FOCAD: variants seen among roughly 807,000 people sequenced by gnomAD.
FOCAD encodes KIAA1797.
A neutral mutation model predicts 225.6 loss-of-function variants in FOCAD; 198 were observed. The ratio of observed to expected loss-of-function variants is 0.88; its 90% CI spans 0.78 to 0.99. The LOEUF is 0.99. Ranked by LOEUF, FOCAD falls within the 50% of genes least tolerant of loss-of-function variation. The pLI is 0.00. For synonymous variants in FOCAD, 897 were observed against 755.0 expected, an observed-to-expected ratio of 1.19 and a Z score of -3.08; for missense variants, 2,713 against 2,123.6, an observed-to-expected ratio of 1.28 and a Z score of -5.46.
intron 11 of FOCAD, among the ~76,000 whole-genome samples, chr9:20,803,775 C>T (rs774939630): frequency 5.9e-5 from 9 of 152,060 alleles, no homozygotes; most frequent in African/African-American, 9.7e-5. Flanking sequence ...GGGACCTGTT[C>T]GAGGTGAAGA....
chr9:20,747,838 C>G (rs2131714892), intron 5 of FOCAD, among the ~76,000 whole-genome samples: 1 of 141,156 alleles, frequency 7.1e-6, no homozygotes, highest in South Asian at 2.2e-4. Flanking sequence ...TTTTTTTTGC[C>G]TTTTATATAT....
rs768624154 is a variant in FOCAD at position 20,990,368 on chromosome 9, C to T, written c.5250C>T (p.Thr1750=). The T allele has an allele frequency of 6.2e-7, 1 of 1,613,288 alleles. No individual in the cohort carries two copies. The highest frequency in any genetic ancestry group is 1.7e-5 in the Admixed American group (1 of 60,016). ...AGAAAGAGCCATGGAAGGAACAGAC[C>T]CAGAAGGTGAGGCTGGCAGCCACCT... The part of the protein sequence containing the change: ...LLQKEPWKEQ[T]QKFIDWLFSI... The change falls in exon 42 of 44, where the codon ACC becomes ACT. Residue 1750 remains threonine (T), a synonymous_variant. Coordinates refer to ENST00000338382, the MANE Select transcript of FOCAD (RefSeq NM_001375567.1).
chr9:20,905,124 C>T (rs958834195), intron 21 of FOCAD, among the ~76,000 whole-genome samples: 12 of 151,960 alleles, frequency 7.9e-5, no homozygotes, highest in African/African-American at 2.9e-4. Flanking sequence ...GCACAGCTGA[C>T]TCCATAGAAC....
At chr9:20,689,220 C>T (rs907637348) in intron 1 of FOCAD, among the ~76,000 whole-genome samples, 7 of 151,962 alleles carry the variant, frequency 4.6e-5, no homozygotes, top group African/African-American at 9.7e-5. Context: ...GTGCAGATGG[C>T]GTGTAGGGTT....
chr9:20,932,360 G>A (rs1181338877), intron 27 of FOCAD, among the ~76,000 whole-genome samples: 1 of 152,180 alleles, frequency 6.6e-6, no homozygotes, highest in Non-Finnish European at 1.5e-5. Flanking sequence ...GTAGGAACCT[G>A]TAGCTACTAA....
intron 15 of FOCAD, among the ~76,000 whole-genome samples, chr9:20,836,387 G>T (rs1825994889): frequency 6.6e-6 from 1 of 151,922 alleles, no homozygotes; most frequent in South Asian, 2.1e-4. Context: ...TTTGTTTGTG[G>T]GACTTTTAAA....
At chr9:20,981,305 G>T (rs1840677653) in intron 37 of FOCAD, 121 bp from the exon 38 acceptor site, 1 of 1,146,416 alleles carries the variant, frequency 8.7e-7, no homozygotes, top group Non-Finnish European at 1.2e-6. Flanking sequence ...AAGGGGGAAG[G>T]AAGTAACCTG....
intron 10 of FOCAD, among the ~76,000 whole-genome samples, chr9:20,782,869 T>C (rs922277255): frequency 2.0e-5 from 3 of 152,202 alleles, no homozygotes; most frequent in African/African-American, 4.8e-5. Context: ...CCCATAATTA[T>C]AGGCAAATTG....
Position 20,865,984 on chromosome 9 carries a change from C to G in FOCAD, c.2106+8C>G. On this transcript the variant is annotated splice_region_variant and intron_variant, in intron 17 of 43. Coordinates refer to ENST00000338382, the MANE Select transcript of FOCAD (RefSeq NM_001375567.1). Reference sequence around the variant, plus strand: ...ACTCATACTCAAAACAAGGTACTATCACAAGGCTTGTCAGTGAATCAGAAC... The same window carrying G: ...ACTCATACTCAAAACAAGGTACTATGACAAGGCTTGTCAGTGAATCAGAAC... 1 of 1,601,286 alleles carries G rather than the reference C, an allele frequency of 6.2e-7. No individual in the cohort carries two copies. Among genetic ancestry groups the G allele is most frequent in the Non-Finnish European group, 8.5e-7 (1 of 1,173,306 alleles).
At chr9:20,801,581 T>C (rs1163729220) in intron 11 of FOCAD, among the ~76,000 whole-genome samples, 1 of 152,140 alleles carries the variant, frequency 6.6e-6, no homozygotes, top group East Asian at 1.9e-4. Flanking sequence ...AAAGTCATAA[T>C]AGGGGCCATT....
chr9:20,691,989 A>G (rs1243914909), intron 1 of FOCAD, among the ~76,000 whole-genome samples: 1 of 152,086 alleles, frequency 6.6e-6, no homozygotes, highest in East Asian at 1.9e-4. Flanking sequence ...TCGAAAAATG[A>G]TCCACCCGCC....
chr9:20,800,838 T>G (rs1290178183), intron 11 of FOCAD, among the ~76,000 whole-genome samples: 3 of 152,172 alleles, frequency 2.0e-5, no homozygotes, highest in Non-Finnish European at 2.9e-5. Context: ...GAAGCCTTCT[T>G]CTCTCAACTT....
At chr9:20,946,080 T>C (rs531481329) in intron 29 of FOCAD, among the ~76,000 whole-genome samples, 33 of 122,508 alleles carry the variant, frequency 2.7e-4, no homozygotes, top group Middle Eastern at 4.4e-3. Context: ...ATATTTTATT[T>C]ATTCATTCAT....
chr9:20,910,330 C>A (rs949285616), intron 22 of FOCAD, among the ~76,000 whole-genome samples: 4 of 151,914 alleles, frequency 2.6e-5, no homozygotes, highest in Admixed American at 2.6e-4. Flanking sequence ...GTGAATGTGA[C>A]CTCAAACAGG....
chr9:20,962,890 T>C (rs1158040317), intron 35 of FOCAD, among the ~76,000 whole-genome samples: 1 of 152,198 alleles, frequency 6.6e-6, no homozygotes, highest in East Asian at 1.9e-4. Context: ...GACAAAGCAT[T>C]ATAATAAAGG....
At chr9:20,765,214 G>T in intron 7 of FOCAD, 141 bp downstream of exon 7, 1 of 647,912 alleles carries the variant, frequency 1.5e-6, no homozygotes, top group South Asian at 2.8e-5. Context: ...CAATCTTTTG[G>T]GGAAGATGAA....
chr9:20,912,417 A>G (rs772151494), intron 22 of FOCAD, among the ~76,000 whole-genome samples: 4 of 152,100 alleles, frequency 2.6e-5, no homozygotes, highest in African/African-American at 4.8e-5. Context: ...AATAACTTAT[A>G]TTATATCTTA....
At chr9:20,679,282 G>A (rs569604902), upstream of FOCAD, among the ~76,000 whole-genome samples, 1 of 151,992 alleles carries the variant, frequency 6.6e-6, no homozygotes, top group African/African-American at 2.4e-5. Flanking sequence ...TTGGAGACTC[G>A]TATATCTAAT....
chr9:20,899,840 A>C (rs562028946), intron 21 of FOCAD, among the ~76,000 whole-genome samples: 2 of 151,814 alleles, frequency 1.3e-5, no homozygotes, highest in Non-Finnish European at 2.9e-5. Flanking sequence ...TACTTTTAGA[A>C]GAATCATAGA....
Sources: gnomAD v4.1 joint callset for allele counts (sites outside exome capture counted in the v4.1 genomes callset) on GRCh38, gnomAD v4.1.1 for gene constraint, MANE v1.5 for transcripts, NCBI Gene and HGNC (gene_info 2026-07-23, HGNC 2026-07-21) for gene names.